Variants in PTCHD4 observed in about 807,000 individuals in gnomAD.
PTCHD4 encodes the protein patched domain-containing protein 4.
Under a neutral mutation model 58.1 loss-of-function variants are expected in PTCHD4, and 33 were observed. The observed-to-expected ratio is 0.57, with a 90% CI of 0.43 to 0.76. The LOEUF is 0.76. Among genes scored for constraint, PTCHD4 ranks in the 30% least tolerant of loss-of-function variants. The pLI is 0.00. For synonymous variants in PTCHD4, 478 were observed against 409.6 expected (o/e 1.17, Z -2.02); for missense variants, 1,058 against 1,027.1 (o/e 1.03, Z -0.41).
At chr6:48,015,665 C>T (rs182239853) in intron 3 of PTCHD4, among the ~76,000 whole-genome samples, 7 of 151,912 alleles carry the variant, frequency 4.6e-5, no homozygotes, top group Admixed American at 2.0e-4. Context: ...TGCAATCATT[C>T]TATTGCATAG....
At chr6:48,097,774 G>C (rs1765505595) in intron 1 of PTCHD4, among the ~76,000 whole-genome samples, 1 of 152,156 alleles carries the variant, frequency 6.6e-6, no homozygotes. Flanking sequence ...TAGGTTTGCT[G>C]TAGGAAGAAA....
chr6:47,998,248 C>T (rs1305837601), intron 4 of PTCHD4, among the ~76,000 whole-genome samples: 2 of 152,110 alleles, frequency 1.3e-5, no homozygotes, highest in Non-Finnish European at 2.9e-5. Context: ...ATGGAAGTAC[C>T]TGCCATATTA....
chr6:47,993,805 T>C (rs1232786022), intron 4 of PTCHD4, among the ~76,000 whole-genome samples: 3 of 152,182 alleles, frequency 2.0e-5, no homozygotes, highest in Middle Eastern at 3.4e-3. Context: ...TAGAAGGATA[T>C]AGAAATCCCT....
Position 48,079,970 on chromosome 6 carries a change from A to ATTTTTTTTTT in PTCHD4, c.-969-10054_-969-10045dup, listed in dbSNP as rs141629864. Among the ~76,000 whole-genome samples, 9 of 76,144 alleles carry ATTTTTTTTTT rather than the reference A, an allele frequency of 1.2e-4. 3 individuals are homozygous for ATTTTTTTTTT. Among genetic ancestry groups the ATTTTTTTTTT allele is most frequent in the East Asian group, 8.3e-4 (2 of 2,402 alleles). The allele number at this position is 76,144 out of a possible 152,430, so 50.0% of individuals were successfully genotyped here. A position where few individuals can be genotyped will look rare whatever the true frequency, so the allele number is the denominator to read the frequency against. ...ATTCAAAACCCTGCCCCTTATGATGATTTTTTTTTTTTTTTTTTTTTTTTT... is the reference window on the plus strand; with the variant it reads ...ATTCAAAACCCTGCCCCTTATGATGATTTTTTTTTTTTTTTTTTTTTTTTTTTTTTTTTTT... On this transcript the variant is annotated intron_variant, in intron 1 of 4. Coordinates refer to ENST00000339488, the MANE Select transcript of PTCHD4 (RefSeq NM_001384253.1).
intron 4 of PTCHD4, among the ~76,000 whole-genome samples, chr6:47,954,347 ACT>A (rs1191584929): frequency 9.2e-5 from 14 of 152,288 alleles, no homozygotes; most frequent in South Asian, 2.1e-4. Context: ...GCAGAGTGAG[ACT>A]CTGTCTCAAA....
At chr6:47,974,833 A>T (rs982875325) in intron 4 of PTCHD4, among the ~76,000 whole-genome samples, 1 of 152,256 alleles carries the variant, frequency 6.6e-6, no homozygotes, top group Non-Finnish European at 1.5e-5. Context: ...GACAATAGAT[A>T]CAAAAATATC....
intron 1 of PTCHD4, among the ~76,000 whole-genome samples, chr6:48,094,638 T>C (rs1765426266): frequency 6.6e-6 from 1 of 152,160 alleles, no homozygotes; most frequent in Non-Finnish European, 1.5e-5. Flanking sequence ...GATATGTGAT[T>C]GAATAAAGAA....
intron 3 of PTCHD4, among the ~76,000 whole-genome samples, chr6:48,013,221 G>T (rs1762747017): frequency 1.3e-5 from 2 of 151,924 alleles, no homozygotes; most frequent in South Asian, 4.2e-4. Context: ...TTTTGTTGTT[G>T]TTGGTAGGCT....
rs1446504382 is a variant in PTCHD4 at position 48,083,824 on chromosome 6, G to A, written c.-969-13898C>T. Among the ~76,000 whole-genome samples, 3 of 152,182 alleles carry A rather than the reference G, an allele frequency of 2.0e-5. No homozygotes were observed. In the South Asian group the frequency reaches 6.2e-4, roughly 32 times the overall value. On this transcript the variant is annotated intron_variant, in intron 1 of 4. Coordinates refer to ENST00000339488, the MANE Select transcript of PTCHD4 (RefSeq NM_001384253.1). Reference sequence around the variant, plus strand: ...TATACAACCACAAGAAATCAAATTTGTTTAAAATCTGAATGAATTTAGAAG... The same window carrying A: ...TATACAACCACAAGAAATCAAATTTATTTAAAATCTGAATGAATTTAGAAG...
intron 4 of PTCHD4, among the ~76,000 whole-genome samples, chr6:47,889,778 C>T (rs374523063): frequency 1.4e-3 from 211 of 150,290 alleles, no homozygotes; most frequent in African/African-American, 4.6e-3. Context: ...CATTACCATT[C>T]AAGACATAGG....
At chr6:48,093,752 C>A (rs111992008) in intron 1 of PTCHD4, among the ~76,000 whole-genome samples, 1 of 151,868 alleles carries the variant, frequency 6.6e-6, no homozygotes, top group Admixed American at 6.6e-5. Flanking sequence ...AAAAAAATGG[C>A]GAGGAAAAGA....
intron 3 of PTCHD4, among the ~76,000 whole-genome samples, chr6:48,037,515 G>A (rs1763682840): frequency 6.6e-6 from 1 of 152,142 alleles, no homozygotes; most frequent in Non-Finnish European, 1.5e-5. Context: ...ACAGATTTGT[G>A]TCTTTCCTTC....
At chr6:48,024,867 C>T (rs1008653951) in intron 3 of PTCHD4, among the ~76,000 whole-genome samples, 6 of 152,144 alleles carry the variant, frequency 3.9e-5, no homozygotes, top group Non-Finnish European at 7.4e-5. Flanking sequence ...CATGAAGGAG[C>T]TTCTCAAAGC....
intron 4 of PTCHD4, among the ~76,000 whole-genome samples, chr6:47,917,242 A>G (rs1219638099): frequency 7.2e-5 from 11 of 152,262 alleles, no homozygotes; most frequent in African/African-American, 2.6e-4. Context: ...TTTTAAAAGA[A>G]TCAGAGTAAA....
intron 3 of PTCHD4, among the ~76,000 whole-genome samples, chr6:48,032,069 C>T (rs1344494715): frequency 7.1e-6 from 1 of 140,174 alleles, no homozygotes; most frequent in Non-Finnish European, 1.6e-5. Flanking sequence ...TCCACAAACC[C>T]CAGGCATTTT....
At chr6:48,043,181 T>C (rs1763906367) in intron 3 of PTCHD4, among the ~76,000 whole-genome samples, 1 of 151,868 alleles carries the variant, frequency 6.6e-6, no homozygotes, top group Non-Finnish European at 1.5e-5. Flanking sequence ...TGCTAGAAGG[T>C]ATGAACATAC....
chr6:48,001,491 A>G (rs1030357149), intron 4 of PTCHD4, among the ~76,000 whole-genome samples: 3 of 152,238 alleles, frequency 2.0e-5, no homozygotes, highest in Non-Finnish European at 4.4e-5. Flanking sequence ...CAAACGTGAC[A>G]AAAACAAGAA....
intron 4 of PTCHD4, among the ~76,000 whole-genome samples, chr6:47,911,269 C>CA (rs1458366034): frequency 9.2e-5 from 14 of 152,060 alleles, no homozygotes; most frequent in African/African-American, 3.4e-4. Flanking sequence ...CAAATGGCTG[C>CA]ATCTCCTCTA....
At chr6:48,059,380 C>T (rs151132072) in intron 3 of PTCHD4, among the ~76,000 whole-genome samples, 18 of 152,268 alleles carry the variant, frequency 1.2e-4, no homozygotes, top group African/African-American at 3.9e-4. Flanking sequence ...GTGGTTCACG[C>T]CTGTAATCCC....
Sources: gnomAD v4.1 joint callset for allele counts (sites outside exome capture counted in the v4.1 genomes callset) on GRCh38, gnomAD v4.1.1 for gene constraint, MANE v1.5 for transcripts, NCBI Gene and HGNC (gene_info 2026-07-23, HGNC 2026-07-21) for gene names.